The following ADCY2 variants were observed in gnomAD, a reference collection of about 807,000 sequenced individuals.
ADCY2 encodes the protein adenylate cyclase 2.
A neutral mutation model predicts 125.2 loss-of-function variants in ADCY2; 31 were observed. That is an observed-to-expected ratio of 0.25 (90% CI 0.19 to 0.33). The LOEUF is 0.33. Among genes scored for constraint, ADCY2 ranks in the 10% least tolerant of loss-of-function variants. ADCY2 has a pLI of 1.00. For synonymous variants in ADCY2, 512 were observed against 548.4 expected, an observed-to-expected ratio of 0.93 and a Z score of 0.93; for missense variants, 904 against 1,418.2, an observed-to-expected ratio of 0.64 and a Z score of 5.82.
intron 4 of ADCY2, among the ~76,000 whole-genome samples, chr5:7,671,479 T>C (rs1012258186): frequency 6.6e-6 from 1 of 152,172 alleles, no homozygotes; most frequent in Non-Finnish European, 1.5e-5. Context: ...AGGATTTATG[T>C]TTAGTATTAA....
intron 1 of ADCY2, among the ~76,000 whole-genome samples, chr5:7,408,805 G>A (rs1561008793): frequency 6.6e-6 from 1 of 152,222 alleles, no homozygotes; most frequent in African/African-American, 2.4e-5. Context: ...TTCAGGCATT[G>A]TGGGAGACAG....
chr5:7,829,791 A>ACAT lies in ADCY2; in HGVS notation c.*2926_*2928dup, dbSNP rs1191126277. 1 of 152,342 alleles carries ACAT rather than the reference A, an allele frequency of 6.6e-6. No individual in the cohort carries two copies. Among genetic ancestry groups the ACAT allele is most frequent in the Non-Finnish European group, 1.5e-5 (1 of 68,130 alleles). The allele number at this position is 152,342 out of a possible 1,614,324, so 9.4% of individuals were successfully genotyped here. A position where few individuals can be genotyped will look rare whatever the true frequency, so the allele number is the denominator to read the frequency against. On this transcript the variant is annotated 3_prime_UTR_variant, in exon 25 of 25. Coordinates refer to ENST00000338316, the MANE Select transcript of ADCY2 (RefSeq NM_020546.3). Reference sequence around the variant, plus strand: ...TCTGGATACACCGAATGACCAGGTAACATCATCAGGCCGGGTGCAGTGGCT... The same window carrying ACAT: ...TCTGGATACACCGAATGACCAGGTAACATCATCATCAGGCCGGGTGCAGTGGCT...
At position 7,626,161 on chromosome 5, in the gene ADCY2, C is replaced by G; in HGVS notation, c.571-6C>G. 1 of 1,612,210 alleles carries G rather than the reference C, an allele frequency of 6.2e-7. No individual in the cohort carries two copies. Among genetic ancestry groups the G allele is most frequent in the Non-Finnish European group, 8.5e-7 (1 of 1,179,458 alleles). On this transcript the variant is annotated splice_polypyrimidine_tract_variant and splice_region_variant and intron_variant, in intron 3 of 24. Coordinates refer to ENST00000338316, the MANE Select transcript of ADCY2 (RefSeq NM_020546.3). ...CCCTATTGAGCAGCTCTTTCTGTCTCTTTAGATCCTGGCCAATGTGATCAT... is the reference window on the plus strand; with the variant it reads ...CCCTATTGAGCAGCTCTTTCTGTCTGTTTAGATCCTGGCCAATGTGATCAT...
intron 14 of ADCY2, among the ~76,000 whole-genome samples, chr5:7,733,226 T>C (rs376792275): frequency 6.6e-6 from 1 of 152,172 alleles, no homozygotes; most frequent in Admixed American, 6.5e-5. Flanking sequence ...CAAATTATAA[T>C]GTTAAATGTC....
At chr5:7,475,345 G>A (rs965667323) in intron 2 of ADCY2, among the ~76,000 whole-genome samples, 2 of 152,132 alleles carry the variant, frequency 1.3e-5, no homozygotes, top group African/African-American at 4.8e-5. Context: ...GTCAGGAGCA[G>A]GGAGAGGTCC....
intron 2 of ADCY2, among the ~76,000 whole-genome samples, chr5:7,501,393 A>T (rs116721223): frequency 0.014 from 2,121 of 152,318 alleles, 62 homozygotes; most frequent in African/African-American, 0.049. Flanking sequence ...GTCATTCAAC[A>T]AAAGAAATTA....
chr5:7,402,972 G>A (rs1739321693), intron 1 of ADCY2, among the ~76,000 whole-genome samples: 1 of 152,048 alleles, frequency 6.6e-6, no homozygotes, highest in Non-Finnish European at 1.5e-5. Context: ...GCAAGATCTT[G>A]GAATTATGAT....
At chr5:7,414,529 G>A (rs1410717060) in intron 1 of ADCY2, 44 bp from the exon 2 acceptor site, 1 of 1,505,528 alleles carries the variant, frequency 6.6e-7, no homozygotes, top group African/African-American at 1.4e-5. Flanking sequence ...GTATCACAGT[G>A]TCTCTAAATG....
chr5:7,757,713 T>G, intron 16 of ADCY2, 127 bp downstream of exon 16: 1 of 1,348,260 alleles, frequency 7.4e-7, no homozygotes, highest in Non-Finnish European at 9.9e-7. Flanking sequence ...GTGTTCAACA[T>G]GCTCAGCCCC....
intron 2 of ADCY2, among the ~76,000 whole-genome samples, chr5:7,501,659 G>A (rs113440467): frequency 7.7e-5 from 2 of 25,932 alleles, no homozygotes; most frequent in African/African-American, 1.5e-4. Flanking sequence ...CCCCCCCCCC[G>A]CCAGTAACTT....
At chr5:7,522,838 A>G (rs1236665330) in intron 3 of ADCY2, among the ~76,000 whole-genome samples, 2 of 151,212 alleles carry the variant, frequency 1.3e-5, no homozygotes, top group African/African-American at 4.9e-5. Context: ...AGGCAGCAGA[A>G]TGGCGTGAAC....
chr5:7,517,030 C>A (rs1479543195), intron 2 of ADCY2, among the ~76,000 whole-genome samples: 1 of 152,094 alleles, frequency 6.6e-6, no homozygotes, highest in Non-Finnish European at 1.5e-5. Flanking sequence ...AGTTATCCTG[C>A]AAGACAAACA....
chr5:7,673,142 C>G (rs1739989183), intron 4 of ADCY2, among the ~76,000 whole-genome samples: 2 of 144,032 alleles, frequency 1.4e-5, no homozygotes, highest in African/African-American at 2.6e-5. Flanking sequence ...GTGGCTCGTG[C>G]CTATAATCCC....
At chr5:7,513,590 T>C (rs1343402954) in intron 2 of ADCY2, among the ~76,000 whole-genome samples, 3 of 152,226 alleles carry the variant, frequency 2.0e-5, no homozygotes, top group African/African-American at 7.2e-5. Context: ...AACATTACTT[T>C]GAACTTAGAA....
At chr5:7,451,050 A>G (rs1219859056) in intron 2 of ADCY2, among the ~76,000 whole-genome samples, 1 of 152,238 alleles carries the variant, frequency 6.6e-6, no homozygotes, top group African/African-American at 2.4e-5. Context: ...GCAGATGTAC[A>G]AGGAAATTAA....
At chr5:7,652,976 A>C (rs2126683765) in intron 4 of ADCY2, among the ~76,000 whole-genome samples, 1 of 152,350 alleles carries the variant, frequency 6.6e-6, no homozygotes, top group African/African-American at 2.4e-5. Flanking sequence ...GGAAGAAGCA[A>C]GTTTTAGAAT....
chr5:7,458,487 T>C (rs1283544227), intron 2 of ADCY2, among the ~76,000 whole-genome samples: 1 of 152,246 alleles, frequency 6.6e-6, no homozygotes, highest in Non-Finnish European at 1.5e-5. Context: ...TCTTTTATTT[T>C]TCCCTCCAAT....
At chr5:7,507,471 G>C (rs1376210985) in intron 2 of ADCY2, among the ~76,000 whole-genome samples, 1 of 142,566 alleles carries the variant, frequency 7.0e-6, no homozygotes, top group Non-Finnish European at 1.5e-5. Context: ...AGGTAACAAA[G>C]CCACTTTTGT....
chr5:7,749,978 C>T (rs2126445076), intron 15 of ADCY2, among the ~76,000 whole-genome samples: 1 of 152,258 alleles, frequency 6.6e-6, no homozygotes, highest in South Asian at 2.1e-4. Context: ...CTTGTTCCAT[C>T]TTTCTACTTT....
Sources: allele counts gnomAD v4.1 joint callset (sites outside exome capture counted in the v4.1 genomes callset), GRCh38; gene constraint gnomAD v4.1.1; transcripts MANE v1.5; gene names NCBI Gene and HGNC (gene_info 2026-07-23, HGNC 2026-07-21).